Variants in UGT1A4 observed in about 807,000 individuals in gnomAD.
The protein encoded by UGT1A4 is UDP glucuronosyltransferase family 1 member A4.
UGT1A4 carries 32 observed loss-of-function variants against 41.1 expected under a neutral mutation model. That is an observed-to-expected ratio of 0.78 (90% CI 0.59 to 1.05). UGT1A4 has a LOEUF of 1.05. Among genes scored for constraint, UGT1A4 ranks in the 50% least tolerant of loss-of-function variants. The probability of loss-of-function intolerance (pLI) is 0.00; values close to 1 mark genes in which losing one functional copy is unlikely to be tolerated. For synonymous variants in UGT1A4, 283 were observed against 265.1 expected (o/e 1.07, Z -0.66); for missense variants, 748 against 677.4 (o/e 1.10, Z -1.16).
At chr2:233,738,051 A>T (rs1690672255) in intron 1 of UGT1A4, among the ~76,000 whole-genome samples, 1 of 152,154 alleles carries the variant, frequency 6.6e-6, no homozygotes, top group Admixed American at 6.5e-5. Context: ...TGAGGACAGG[A>T]CATGGTGGGA....
intron 1 of UGT1A4, among the ~76,000 whole-genome samples, chr2:233,758,159 G>C (rs1281366344): frequency 2.6e-5 from 4 of 152,206 alleles, no homozygotes; most frequent in Non-Finnish European, 5.9e-5. Flanking sequence ...AATGGGTTCT[G>C]CTTTGGTTTC....
At chr2:233,738,294 G>T (rs1255445696) in intron 1 of UGT1A4, among the ~76,000 whole-genome samples, 4 of 152,100 alleles carry the variant, frequency 2.6e-5, no homozygotes, top group Non-Finnish European at 4.4e-5. Flanking sequence ...CCCAGTCTTG[G>T]GTATGTCTTT....
intron 1 of UGT1A4, chr2:233,743,571 C>T: frequency 7.3e-7 from 1 of 1,367,316 alleles, no homozygotes; most frequent in African/African-American, 1.5e-5. Flanking sequence ...AGCGGGTTTC[C>T]CAAGAGGTCA....
chr2:233,724,146 G>A (rs2077176632), intron 1 of UGT1A4, among the ~76,000 whole-genome samples: 1 of 124,370 alleles, frequency 8.0e-6, no homozygotes, highest in Non-Finnish European at 1.7e-5. Flanking sequence ...CGGGGCGGCT[G>A]GCCGGGTGGG....
rs994298046 is a variant in UGT1A4 at position 233,760,365 on chromosome 2, T to C, written c.868-6669T>C. On this transcript the variant is annotated intron_variant, in intron 1 of 4. Transcript: ENST00000373409. Reference sequence around the variant, plus strand: ...GTGTGCTGGGCCCAGTGGTGTCCCATGCTGGGAAGATACTGTTGATCCCAG... The same window carrying C: ...GTGTGCTGGGCCCAGTGGTGTCCCACGCTGGGAAGATACTGTTGATCCCAG... 21 of 1,614,004 alleles carry C rather than the reference T, an allele frequency of 1.3e-5. No individual in the cohort carries two copies. Among genetic ancestry groups the C allele is most frequent in the Non-Finnish European group, 1.7e-5 (20 of 1,180,006 alleles).
chr2:233,748,518 A>T lies in UGT1A4; in HGVS notation c.868-18516A>T, dbSNP rs151219324. Among the ~76,000 whole-genome samples the T allele has an allele frequency of 4.6e-3, 699 of 151,972 alleles. 22 individuals carry two copies. The highest frequency in any genetic ancestry group is 0.016 in the African/African-American group (660 of 41,240). Reference sequence around the variant, plus strand: ...TAATTTTTAGTGGTCCTGTCTTGCGAATGATAGAGAGGTGACCACAGGAGA... The same window carrying T: ...TAATTTTTAGTGGTCCTGTCTTGCGTATGATAGAGAGGTGACCACAGGAGA... On this transcript the variant is annotated intron_variant, in intron 1 of 4. Coordinates refer to ENST00000373409, the MANE Select transcript of UGT1A4 (RefSeq NM_007120.3).
At chr2:233,741,386 A>C (rs1288438490) in intron 1 of UGT1A4, 1 of 151,760 alleles carries the variant, frequency 6.6e-6, no homozygotes, top group Non-Finnish European at 1.5e-5. Flanking sequence ...CCTTTCTACC[A>C]CTTTGAAACT....
At chr2:233,749,544 A>G (rs1407004260) in intron 1 of UGT1A4, among the ~76,000 whole-genome samples, 1 of 151,906 alleles carries the variant, frequency 6.6e-6, no homozygotes, top group Non-Finnish European at 1.5e-5. Context: ...GTGGTAAAGA[A>G]CAGGCTAATG....
At chr2:233,747,276 T>C in intron 1 of UGT1A4, 1 of 1,598,748 alleles carries the variant, frequency 6.3e-7, no homozygotes, top group Non-Finnish European at 8.5e-7. Context: ...TCCTTCTCAG[T>C]GCCCAGCCCT....
At chr2:233,760,757 G>A (rs762472856) in intron 1 of UGT1A4, 14 of 1,613,946 alleles carry the variant, frequency 8.7e-6, no homozygotes, top group South Asian at 1.1e-5. Flanking sequence ...CTTCCTTGCA[G>A]CCCCATCGTG....
At chr2:233,766,319 A>G (rs1575819132) in intron 1 of UGT1A4, among the ~76,000 whole-genome samples, 1 of 151,982 alleles carries the variant, frequency 6.6e-6, no homozygotes, top group African/African-American at 2.4e-5. Flanking sequence ...GCCTCAGCCA[A>G]ACTCCGCGTT....
At chr2:233,745,465 G>C (rs1164210387) in intron 1 of UGT1A4, among the ~76,000 whole-genome samples, 3 of 151,586 alleles carry the variant, frequency 2.0e-5, no homozygotes, top group Non-Finnish European at 2.9e-5. Flanking sequence ...AGTTCTAAGG[G>C]GAAAATGATT....
chr2:233,766,305 G>A (rs1441767002), intron 1 of UGT1A4, among the ~76,000 whole-genome samples: 4 of 152,018 alleles, frequency 2.6e-5, no homozygotes, highest in African/African-American at 7.2e-5. Flanking sequence ...GCTCTCCTCC[G>A]ACTGCCTCAG....
At chr2:233,732,918 GA>G (rs2078336060) in intron 1 of UGT1A4, among the ~76,000 whole-genome samples, 1 of 151,996 alleles carries the variant, frequency 6.6e-6, no homozygotes, top group South Asian at 2.1e-4. Flanking sequence ...CCATTTTCAC[GA>G]TATTGATTCT....
intron 1 of UGT1A4, chr2:233,760,271 G>GC: frequency 2.5e-6 from 4 of 1,612,226 alleles, no homozygotes; most frequent in Non-Finnish European, 3.4e-6. Context: ...CGAACCTCTG[G>GC]CAGGAGCAAA....
chr2:233,772,592 C>A lies in UGT1A4; in HGVS notation c.*33C>A. 1.3e-6 allele frequency: 2 copies of A among 1,599,668 alleles called. No homozygotes were observed. The highest frequency in any genetic ancestry group is 1.7e-6 in the Non-Finnish European group (2 of 1,172,304). On this transcript the variant is annotated 3_prime_UTR_variant, in exon 5 of 5. Transcript: ENST00000373409. ...GTGGGAAATAAGGTAAAATTTTGAA[C>A]CATTCCCTAGTCATTTCCAAACTTG...
intron 1 of UGT1A4, among the ~76,000 whole-genome samples, chr2:233,730,228 A>C (rs1452253357): frequency 2.0e-5 from 3 of 152,146 alleles, no homozygotes; most frequent in East Asian, 3.9e-4. Flanking sequence ...TTGTAAAAGG[A>C]TGGACAAGGA....
chr2:233,720,665 C>T (rs2076879709), intron 1 of UGT1A4, among the ~76,000 whole-genome samples: 1 of 151,682 alleles, frequency 6.6e-6, no homozygotes, highest in South Asian at 2.1e-4. Flanking sequence ...AATTCACACA[C>T]CAATGAATTT....
At chr2:233,747,362 G>C (rs765094554) in intron 1 of UGT1A4, 99 of 1,603,664 alleles carry the variant, frequency 6.2e-5, no homozygotes, top group Non-Finnish European at 7.6e-5. Flanking sequence ...CCGTGCGGGA[G>C]CTCCATGCCA....
Sources: gnomAD v4.1 joint callset for allele counts (sites outside exome capture counted in the v4.1 genomes callset) on GRCh38, gnomAD v4.1.1 for gene constraint, MANE v1.5 for transcripts, NCBI Gene and HGNC (gene_info 2026-07-23, HGNC 2026-07-21) for gene names.